KCNT2: variants seen among roughly 807,000 people sequenced by gnomAD.
KCNT2 encodes the protein potassium sodium-activated channel subfamily T member 2, also known as potassium channel subfamily T member 2.
In KCNT2, 67 loss-of-function variants were observed where a neutral mutation model predicts 153.8. The ratio of observed to expected loss-of-function variants is 0.44; its 90% confidence interval spans 0.36 to 0.53. The LOEUF (loss-of-function observed/expected upper bound fraction) is 0.53, where lower values mean the gene tolerates loss of function less well. Among genes scored for constraint, KCNT2 ranks in the 20% least tolerant of loss-of-function variants. The pLI, the probability that KCNT2 is intolerant of heterozygous loss-of-function variation, is 0.00. For missense variants in KCNT2, 975 were observed against 1,354.8 expected (o/e 0.72, Z 4.40); for synonymous variants, 500 against 458.8 (o/e 1.09, Z -1.15).
intron 1 of KCNT2, among the ~76,000 whole-genome samples, chr1:196,535,955 C>A (rs1317792275): frequency 6.6e-6 from 1 of 152,194 alleles, no homozygotes; most frequent in Non-Finnish European, 1.5e-5. Flanking sequence ...TTGGCCTGCT[C>A]CTGACTAAAG....
At chr1:196,360,668 G>C (rs1185777400) in intron 14 of KCNT2, among the ~76,000 whole-genome samples, 1 of 152,064 alleles carries the variant, frequency 6.6e-6, no homozygotes, top group African/African-American at 2.4e-5. Flanking sequence ...AAAGACATCA[G>C]GAATGTGGGC....
chr1:196,247,538 A>G (rs2102283205), intron 26 of KCNT2, among the ~76,000 whole-genome samples: 1 of 152,328 alleles, frequency 6.6e-6, no homozygotes, highest in Non-Finnish European at 1.5e-5. Flanking sequence ...ACAGTTCCGC[A>G]TGGCTGGGAA....
At chr1:196,314,803 C>T (rs1441887310) in intron 21 of KCNT2, among the ~76,000 whole-genome samples, 4 of 151,580 alleles carry the variant, frequency 2.6e-5, no homozygotes, top group African/African-American at 7.3e-5. Flanking sequence ...GTGGCTTTTC[C>T]CTTCTGCCAC....
chr1:196,280,956 T>C lies in KCNT2; in HGVS notation c.2814A>G (p.Arg938=). ...ACTTCTGATAAAGTCTGGCATAAGT[T>C]CTGATCCATAAGTCATCTGCAGTGA... is the stretch of plus-strand genomic sequence containing the variant. The part of the protein sequence containing the change: ...MKITADDLWI[R]TYARLYQKLC... Residue 938 remains arginine (R), a synonymous_variant, in exon 25 of 28, where the codon AGA becomes AGG. Transcript: ENST00000294725. The C allele has an allele frequency of 1.9e-6, 3 of 1,611,784 alleles. No individual in the cohort carries two copies. The highest frequency in any genetic ancestry group is 2.5e-6 in the Non-Finnish European group (3 of 1,177,966).
chr1:196,486,415 T>C (rs998253628), intron 3 of KCNT2, among the ~76,000 whole-genome samples: 1 of 151,948 alleles, frequency 6.6e-6, no homozygotes, highest in African/African-American at 2.4e-5. Flanking sequence ...AGCATTATTG[T>C]GAAAACTAAA....
Position 196,423,044 on chromosome 1 carries a change from A to C in KCNT2, c.1185+6T>G, listed in dbSNP as rs759705539. Reference sequence around the variant, plus strand: ...CAACTTACTAAAAAAGATTTTAGAAACTTACAGATGATGTCCTATCCACTT... The same window carrying C: ...CAACTTACTAAAAAAGATTTTAGAACCTTACAGATGATGTCCTATCCACTT... On this transcript the variant is annotated splice_donor_region_variant and intron_variant, in intron 12 of 27. Coordinates refer to ENST00000294725, the MANE Select transcript of KCNT2 (RefSeq NM_198503.5). The C allele has an allele frequency of 6.5e-7, 1 of 1,549,038 alleles. No individual in the cohort carries two copies. Among genetic ancestry groups the C allele is most frequent in the Non-Finnish European group, 8.7e-7 (1 of 1,143,332 alleles).
At chr1:196,525,932 A>G (rs1654124027) in intron 1 of KCNT2, among the ~76,000 whole-genome samples, 1 of 152,190 alleles carries the variant, frequency 6.6e-6, no homozygotes, top group Non-Finnish European at 1.5e-5. Context: ...CCAAAGGTTT[A>G]GAAGTAGTAG....
At chr1:196,284,960 ACT>A (rs1659520741) in intron 23 of KCNT2, among the ~76,000 whole-genome samples, 1 of 152,122 alleles carries the variant, frequency 6.6e-6, no homozygotes, top group Admixed American at 6.5e-5. Flanking sequence ...ATAATTTAAA[ACT>A]CTACGAATAT....
intron 13 of KCNT2, among the ~76,000 whole-genome samples, chr1:196,382,272 T>C (rs1004251408): frequency 2.7e-5 from 2 of 72,918 alleles, no homozygotes; most frequent in Non-Finnish European, 7.1e-5. Context: ...CTATTTTTTA[T>C]TTTTTTTTGT....
At chr1:196,429,250 TC>T (rs1194952984) in intron 9 of KCNT2, among the ~76,000 whole-genome samples, 3 of 152,144 alleles carry the variant, frequency 2.0e-5, no homozygotes, top group Non-Finnish European at 4.4e-5. Flanking sequence ...CAAATTTATT[TC>T]TTTGATCTAT....
At chr1:196,324,541 A>T (rs1663654794) in intron 19 of KCNT2, among the ~76,000 whole-genome samples, 2 of 152,038 alleles carry the variant, frequency 1.3e-5, no homozygotes, top group African/African-American at 4.8e-5. Context: ...TCTCTCTAAG[A>T]CTAAATCATC....
intron 14 of KCNT2, among the ~76,000 whole-genome samples, chr1:196,354,832 A>G (rs2148237423): frequency 6.6e-6 from 1 of 151,862 alleles, no homozygotes; most frequent in East Asian, 1.9e-4. Flanking sequence ...TTGTTTGTAT[A>G]CTTCCCAGGG....
chr1:196,285,606 C>T, intron 23 of KCNT2, 51 bp downstream of exon 23: 1 of 1,167,308 alleles, frequency 8.6e-7, no homozygotes, highest in South Asian at 1.4e-5. Context: ...TAAATAAAAT[C>T]TAAAACAGAA....
At chr1:196,485,367 C>T (rs1006426490) in intron 3 of KCNT2, among the ~76,000 whole-genome samples, 1 of 151,888 alleles carries the variant, frequency 6.6e-6, no homozygotes, top group Non-Finnish European at 1.5e-5. Context: ...TTTACACTGC[C>T]AGTATAGCAG....
intron 1 of KCNT2, among the ~76,000 whole-genome samples, chr1:196,537,871 C>T (rs989813720): frequency 1.3e-5 from 2 of 152,170 alleles, no homozygotes; most frequent in Non-Finnish European, 2.9e-5. Flanking sequence ...GCAATTGGAG[C>T]ACCTTCCCCT....
chr1:196,581,045 A>C (rs1207568716), intron 1 of KCNT2, among the ~76,000 whole-genome samples: 1 of 152,150 alleles, frequency 6.6e-6, no homozygotes, highest in Non-Finnish European at 1.5e-5. Flanking sequence ...AATCATCTTG[A>C]CTATAGCTGC....
chr1:196,417,503 C>T (rs1672850283), intron 12 of KCNT2, among the ~76,000 whole-genome samples: 1 of 152,072 alleles, frequency 6.6e-6, no homozygotes, highest in South Asian at 2.1e-4. Flanking sequence ...CCTTTACAGC[C>T]CTAAAACTGG....
At chr1:196,436,825 T>A (rs1674705311) in intron 8 of KCNT2, among the ~76,000 whole-genome samples, 1 of 149,922 alleles carries the variant, frequency 6.7e-6, no homozygotes. Flanking sequence ...AAGAAATGCA[T>A]CTTTTCAGTC....
chr1:196,558,462 T>C (rs1262678049), intron 1 of KCNT2, among the ~76,000 whole-genome samples: 1 of 151,176 alleles, frequency 6.6e-6, no homozygotes, highest in Non-Finnish European at 1.5e-5. Context: ...CTTGTTTTTG[T>C]TTTGGCTTGC....
Sources: gnomAD v4.1 joint callset for allele counts (sites outside exome capture counted in the v4.1 genomes callset) on GRCh38, gnomAD v4.1.1 for gene constraint, MANE v1.5 for transcripts, NCBI Gene and HGNC (gene_info 2026-07-23, HGNC 2026-07-21) for gene names.